The following CPEB1 variants were observed in gnomAD, a reference collection of about 807,000 sequenced individuals.
CPEB1 encodes cytoplasmic polyadenylation element binding protein 1.
In CPEB1, 7 loss-of-function variants were observed where a neutral mutation model predicts 65.8. The ratio of observed to expected loss-of-function variants is 0.11; its 90% CI spans 0.06 to 0.20. CPEB1 has a LOEUF of 0.20. Among genes scored for constraint, CPEB1 ranks in the 10% least tolerant of loss-of-function variants. The pLI is 1.00. For missense variants in CPEB1, 551 were observed against 712.2 expected (o/e 0.77, Z 2.58); for synonymous variants, 262 against 260.0 (o/e 1.01, Z -0.08).
At position 82,577,879 on chromosome 15, in the gene CPEB1, G is replaced by T. The variant is rs548036023; in HGVS notation, c.272-6347C>A. ...TATTGGGCCAGGCACGGTGGCTCAC[G>T]CCTGTAATCCCAGCACTTTGGGAGG... On this transcript the variant is annotated intron_variant, in intron 3 of 12. Coordinates refer to ENST00000684509, the MANE Select transcript of CPEB1 (RefSeq NM_001365242.1). Among the ~76,000 whole-genome samples the T allele has an allele frequency of 3.9e-5, 6 of 151,934 alleles. No individual in the cohort carries two copies. The South Asian group carries it at 1.0e-3, about 26-fold the overall frequency.
At chr15:82,636,646 C>T (rs774593361) in intron 1 of CPEB1, among the ~76,000 whole-genome samples, 5 of 152,172 alleles carry the variant, frequency 3.3e-5, no homozygotes, top group Admixed American at 3.3e-4. Context: ...TGTCACACTG[C>T]TAACTGTATG....
intron 3 of CPEB1, among the ~76,000 whole-genome samples, chr15:82,587,231 T>G (rs192552258): frequency 5.0e-4 from 76 of 152,334 alleles, no homozygotes; most frequent in Non-Finnish European, 9.6e-4. Flanking sequence ...ACTCTCCAAC[T>G]GCTGAGACAA....
chr15:82,623,096 T>C (rs894209763), intron 3 of CPEB1, among the ~76,000 whole-genome samples: 1 of 152,304 alleles, frequency 6.6e-6, no homozygotes, highest in East Asian at 1.9e-4. Context: ...AATGGCCAAT[T>C]CTGGAGCAAC....
intron 1 of CPEB1, among the ~76,000 whole-genome samples, chr15:82,644,831 CTTA>C (rs1198714404): frequency 1.3e-5 from 2 of 152,184 alleles, no homozygotes; most frequent in Non-Finnish European, 1.5e-5. Context: ...AGTGAAAATG[CTTA>C]TTAAGGCAGC....
intron 1 of CPEB1, among the ~76,000 whole-genome samples, chr15:82,642,152 A>C (rs2047167704): frequency 6.6e-6 from 1 of 152,220 alleles, no homozygotes; most frequent in African/African-American, 2.4e-5. Context: ...ATCTGTGCTC[A>C]CAGAAGATGA....
At chr15:82,593,905 T>C (rs542107469) in intron 3 of CPEB1, among the ~76,000 whole-genome samples, 2 of 152,332 alleles carry the variant, frequency 1.3e-5, no homozygotes, top group East Asian at 1.9e-4. Context: ...GTCTGTACAG[T>C]AAGTCTCAAC....
chr15:82,619,356 A>G (rs1321911500), intron 3 of CPEB1, among the ~76,000 whole-genome samples: 1 of 152,226 alleles, frequency 6.6e-6, no homozygotes, highest in East Asian at 1.9e-4. Flanking sequence ...AGAAACATAT[A>G]CTACCTTCAT....
chr15:82,624,246 C>T (rs72751672), intron 3 of CPEB1, among the ~76,000 whole-genome samples: 1,598 of 152,246 alleles, frequency 0.01, 13 homozygotes, highest in Non-Finnish European at 0.018. Flanking sequence ...AGAGAGTTCA[C>T]CACACATGGG....
intron 12 of CPEB1, among the ~76,000 whole-genome samples, chr15:82,544,934 G>C (rs974583780): frequency 2.6e-5 from 4 of 152,166 alleles, no homozygotes; most frequent in South Asian, 2.1e-4. Flanking sequence ...TGTTGGGCTC[G>C]TAGTGTGTGC....
At chr15:82,567,579 T>C (rs2039349687) in intron 4 of CPEB1, among the ~76,000 whole-genome samples, 1 of 151,478 alleles carries the variant, frequency 6.6e-6, no homozygotes, top group Non-Finnish European at 1.5e-5. Flanking sequence ...GAGGTTGCAG[T>C]GAGCCAAGAT....
At chr15:82,585,887 G>C (rs929511006) in intron 3 of CPEB1, among the ~76,000 whole-genome samples, 1 of 151,690 alleles carries the variant, frequency 6.6e-6, no homozygotes, top group African/African-American at 2.4e-5. Flanking sequence ...CTGCCAATAT[G>C]ATAGGTTAAA....
At chr15:82,589,147 T>A (rs1241368823) in intron 3 of CPEB1, among the ~76,000 whole-genome samples, 1 of 152,230 alleles carries the variant, frequency 6.6e-6, no homozygotes, top group Non-Finnish European at 1.5e-5. Flanking sequence ...GCCTCCCCTA[T>A]GTTATCTGTG....
chr15:82,608,986 A>G (rs1315726520), intron 3 of CPEB1, among the ~76,000 whole-genome samples: 1 of 152,246 alleles, frequency 6.6e-6, no homozygotes, highest in African/African-American at 2.4e-5. Flanking sequence ...GAAATCATAC[A>G]AAGTACATTC....
intron 3 of CPEB1, among the ~76,000 whole-genome samples, chr15:82,576,599 G>C (rs1046755980): frequency 3.3e-5 from 5 of 152,094 alleles, no homozygotes; most frequent in Non-Finnish European, 7.4e-5. Flanking sequence ...TGGTATTACA[G>C]GTGTTCACTT....
chr15:82,631,322 T>G (rs780337590), intron 1 of CPEB1, among the ~76,000 whole-genome samples: 3 of 152,124 alleles, frequency 2.0e-5, no homozygotes, highest in Non-Finnish European at 2.9e-5. Context: ...GAGCTCTAGC[T>G]TAAGATGACA....
intron 4 of CPEB1, among the ~76,000 whole-genome samples, chr15:82,564,904 C>T (rs938387307): frequency 6.6e-6 from 1 of 151,986 alleles, no homozygotes; most frequent in Non-Finnish European, 1.5e-5. Flanking sequence ...GAGTGTCTCA[C>T]TGAATTATAT....
At chr15:82,636,015 A>G (rs1010859701) in intron 1 of CPEB1, among the ~76,000 whole-genome samples, 32 of 152,246 alleles carry the variant, frequency 2.1e-4, no homozygotes, top group African/African-American at 6.3e-4. Flanking sequence ...AGATAAATCC[A>G]TCAACAGATA....
rs1176168656 is a variant in CPEB1 at position 82,557,747 on chromosome 15, A to C, written c.687+13T>G. 1.9e-6 allele frequency: 3 copies of C among 1,611,116 alleles called. No individual in the cohort carries two copies. The highest frequency in any genetic ancestry group is 2.5e-6 in the Non-Finnish European group (3 of 1,178,008). On this transcript the variant is annotated intron_variant, in intron 5 of 12. Coordinates refer to ENST00000684509, the MANE Select transcript of CPEB1 (RefSeq NM_001365242.1). ...TCCACCCACAACTCCCCTTTCCCAA[A>C]TGAGTTACATACAATCAAATCTGAG...
intron 6 of CPEB1, among the ~76,000 whole-genome samples, chr15:82,554,575 C>T (rs2036860345): frequency 1.3e-5 from 2 of 152,218 alleles, no homozygotes; most frequent in South Asian, 4.1e-4. Context: ...CCCAAATAGA[C>T]AATGGGCCTT....
Sources: gnomAD v4.1 joint callset for allele counts (sites outside exome capture counted in the v4.1 genomes callset) on GRCh38, gnomAD v4.1.1 for gene constraint, MANE v1.5 for transcripts, NCBI Gene and HGNC (gene_info 2026-07-23, HGNC 2026-07-21) for gene names.